ACIN1: variants seen among roughly 807,000 people sequenced by gnomAD.
ACIN1 encodes apoptotic chromatin condensation inducer in the nucleus.
Under a neutral mutation model 146.6 loss-of-function variants are expected in ACIN1, and 16 were observed. That is an observed-to-expected ratio of 0.11 (90% CI 0.07 to 0.17). The LOEUF (loss-of-function observed/expected upper bound fraction) is 0.17. Among genes scored for constraint, ACIN1 ranks in the 10% least tolerant of loss-of-function variants. The probability of loss-of-function intolerance (pLI) is 1.00; values close to 1 mark genes in which losing one functional copy is unlikely to be tolerated. For synonymous variants in ACIN1, 569 were observed against 582.7 expected (o/e 0.98, Z 0.34); for missense variants, 1,357 against 1,609.3 (o/e 0.84, Z 2.68).
chr14:23,062,942 T>C lies in ACIN1; in HGVS notation c.2870A>G (p.His957Arg), dbSNP rs1481726032. The change falls in exon 14 of 19, where the codon CAT becomes CGT. Residue 957 changes from histidine (H) to arginine (R), a missense_variant. Coordinates refer to ENST00000605057, the MANE Select transcript of ACIN1 (RefSeq NM_001386863.1). ...PPRGKISNIV[H>R]ISNLVRPFTL... is the part of the protein sequence containing the mutation. ...ACAATGACTTACCAAATTGGAGATATGGACAATGTTGCTAATCTTGCCCCG... is the reference window on the plus strand; with the variant it reads ...ACAATGACTTACCAAATTGGAGATACGGACAATGTTGCTAATCTTGCCCCG... 1.9e-6 allele frequency: 3 copies of C among 1,606,316 alleles called. No homozygotes were observed. The highest frequency in any genetic ancestry group is 2.5e-6 in the Non-Finnish European group (3 of 1,177,604).
At chr14:23,071,380 A>T in intron 8 of ACIN1, 1 of 1,540,084 alleles carries the variant, frequency 6.5e-7, no homozygotes. Flanking sequence ...TGGTGCGGGG[A>T]GGCTAAAACA....
At chr14:23,077,226 A>G (rs1242543654) in intron 8 of ACIN1, among the ~76,000 whole-genome samples, 1 of 152,264 alleles carries the variant, frequency 6.6e-6, no homozygotes, top group Non-Finnish European at 1.5e-5. Context: ...TCAGAAGAGT[A>G]TAAATTATTA....
In ACIN1 at chr14:23,089,453, T is replaced by A. The variant is rs530452134; in HGVS notation, c.436+529A>T. The stretch of plus-strand genomic sequence containing the variant: ...AGCTCCCTACTATAATATGCTCACA[T>A]AATACTCTGCGTTGCCTTGCACAGT... On this transcript the variant is annotated intron_variant, in intron 4 of 18. Transcript: ENST00000605057. Among the ~76,000 whole-genome samples, 4 of 152,344 alleles carry A rather than the reference T, an allele frequency of 2.6e-5. No individual in the cohort carries two copies. The South Asian group carries it at 8.3e-4, about 32-fold the overall frequency.
intron 4 of ACIN1, among the ~76,000 whole-genome samples, chr14:23,087,682 T>C (rs2048122201): frequency 6.6e-6 from 1 of 151,986 alleles, no homozygotes; most frequent in Non-Finnish European, 1.5e-5. Flanking sequence ...GAATTTTCAA[T>C]GGTTCCCCCA....
Position 23,078,209 on chromosome 14 carries a change from G to C in ACIN1, c.2065C>G (p.Gln689Glu). The C allele has an allele frequency of 1.2e-6, 2 of 1,614,144 alleles. No homozygotes were observed. The highest frequency in any genetic ancestry group is 1.7e-6 in the Non-Finnish European group (2 of 1,180,014). ...TGAGAGGTCTGAGTCTCTGAGGTTT[G>C]GGGCTGTGTGGCAGCTGGTGGCTCT... The part of the protein sequence containing the change: ...EAEPPAATQP[Q>E]TSETQTSHLP... Residue 689 changes from glutamine to glutamate, a missense_variant, in exon 8 of 19, where the codon CAA becomes GAA. Around this residue, in one of 4 missense-constraint regions of ACIN1, gnomAD observed 771 missense variants for 746.6 expected, o/e 1.03. Coordinates refer to ENST00000605057, the MANE Select transcript of ACIN1 (RefSeq NM_001386863.1).
At chr14:23,090,197 A>G in intron 3 of ACIN1, 96 bp from the exon 4 acceptor site, 1 of 1,477,640 alleles carries the variant, frequency 6.8e-7, no homozygotes, top group Non-Finnish European at 9.1e-7. Flanking sequence ...AAAGTCACAG[A>G]TACAGAGATA....
chr14:23,094,881 G>C lies in ACIN1; in HGVS notation c.138+94C>G. 2.7e-6 allele frequency: 4 copies of C among 1,478,018 alleles called. No individual in the cohort carries two copies. The South Asian group carries it at 5.4e-5, about 20-fold the overall frequency. 91.6% of individuals were successfully genotyped at this position (1,478,018 alleles called of 1,614,324 possible). ...TCGCGCTGGCGGCCTGAGCGAGCTC[G>C]CGCCGAGCCCGGATACTGCGCCTGC... On this transcript the variant is annotated intron_variant, in intron 1 of 18. Coordinates refer to ENST00000605057, the MANE Select transcript of ACIN1 (RefSeq NM_001386863.1).
At position 23,078,921 on chromosome 14, in the gene ACIN1, T is replaced by C. The variant is rs1432952998; in HGVS notation, c.1906A>G (p.Lys636Glu). The change falls in exon 7 of 19, where the codon AAG becomes GAG. Residue 636 changes from lysine to glutamate, a missense_variant. Physicochemically the swap from Lys to Glu is moderately conservative, Grantham distance 56 (BLOSUM62 1). Around this residue, in one of 4 missense-constraint regions of ACIN1, gnomAD observed 771 missense variants for 746.6 expected, o/e 1.03. Transcript: ENST00000605057. ...GATGAGGAGGTGGAAGTCCTCTCCT[T>C]TGGCTCACAGACCTGCAGTTGTGGC... ...PVPQLQVCEP[K>E]ERTSTSSSSV... 2 of 1,614,144 alleles carry C rather than the reference T, an allele frequency of 1.2e-6. No individual in the cohort carries two copies. Among genetic ancestry groups the C allele is most frequent in the Non-Finnish European group, 1.7e-6 (2 of 1,180,018 alleles).
chr14:23,071,314 A>AT, intron 8 of ACIN1: 1 of 1,507,512 alleles, frequency 6.6e-7, no homozygotes, highest in Non-Finnish European at 8.9e-7. Flanking sequence ...GAGAGAGAAA[A>AT]TTGAGATGTA....
At chr14:23,093,662 T>C (rs2048286830) in intron 1 of ACIN1, 118 bp from the exon 2 acceptor site, 1 of 819,688 alleles carries the variant, frequency 1.2e-6, no homozygotes, top group Non-Finnish European at 2.0e-6. Context: ...AATTAAACTG[T>C]ATTCCTTTTC....
intron 3 of ACIN1, among the ~76,000 whole-genome samples, 161 bp from the exon 4 acceptor site, chr14:23,090,262 C>T (rs991067091): frequency 3.3e-5 from 5 of 152,230 alleles, no homozygotes; most frequent in African/African-American, 1.2e-4. Flanking sequence ...TTCAGCTCTA[C>T]TTCATCTAAA....
At chr14:23,081,980 A>G (rs543043849) in intron 4 of ACIN1, 144 bp from the exon 5 acceptor site, 2 of 596,102 alleles carry the variant, frequency 3.4e-6, no homozygotes, top group Non-Finnish European at 2.8e-6. Flanking sequence ...TGACTTCTAC[A>G]CTAAAGAAAA....
At chr14:23,091,497 G>A (rs552172825) in intron 2 of ACIN1, among the ~76,000 whole-genome samples, 1 of 151,524 alleles carries the variant, frequency 6.6e-6, no homozygotes, top group African/African-American at 2.4e-5. Context: ...CTCAGGAGGT[G>A]GTGGGTGCAG....
chr14:23,075,990 C>T (rs907895127), intron 8 of ACIN1, among the ~76,000 whole-genome samples: 2 of 152,062 alleles, frequency 1.3e-5, no homozygotes, highest in African/African-American at 4.8e-5. Flanking sequence ...CATGAGTCAC[C>T]ACGCCTGGCC....
chr14:23,093,342 G>A (rs1333802411), intron 2 of ACIN1, 137 bp downstream of exon 2: 6 of 858,314 alleles, frequency 7.0e-6, no homozygotes, highest in Non-Finnish European at 1.1e-5. Flanking sequence ...CAACTGTCCT[G>A]GTTTGAGAAC....
intron 10 of ACIN1, among the ~76,000 whole-genome samples, chr14:23,065,589 CA>C (rs139957595): frequency 6.6e-6 from 1 of 152,132 alleles, no homozygotes; most frequent in East Asian, 1.9e-4. Context: ...GACTCCGTCT[CA>C]AAAAAACAAC....
Position 23,062,892 on chromosome 14 carries a change from A to G in ACIN1, c.2883+37T>C, listed in dbSNP as rs766003671. 2.5e-6 allele frequency: 4 copies of G among 1,575,696 alleles called. No homozygotes were observed. The East Asian group carries it at 9.0e-5, about 35-fold the overall frequency. On this transcript the variant is annotated intron_variant, in intron 14 of 18. Transcript: ENST00000605057. ...ATAAGCCTAAAGCTCAAACTTAACCACTAAGCAAGCTGGGATGGTGAGAAA... is the reference window on the plus strand; with the variant it reads ...ATAAGCCTAAAGCTCAAACTTAACCGCTAAGCAAGCTGGGATGGTGAGAAA...
chr14:23,073,097 G>A (rs940510382), intron 8 of ACIN1, among the ~76,000 whole-genome samples: 3 of 152,230 alleles, frequency 2.0e-5, no homozygotes, highest in African/African-American at 7.2e-5. Flanking sequence ...GGGGCTCTGA[G>A]TTTCCTCAAA....
intron 9 of ACIN1, chr14:23,069,194 A>C: frequency 1.8e-6 from 2 of 1,128,850 alleles, no homozygotes; most frequent in Non-Finnish European, 2.2e-6. Flanking sequence ...CATAAATCTT[A>C]GATAAAGGGC....
Sources: gnomAD v4.1 joint callset for allele counts (sites outside exome capture counted in the v4.1 genomes callset) on GRCh38, gnomAD v4.1.1 for gene constraint, gnomAD v4.1.1 regional missense constraint, MANE v1.5 for transcripts, NCBI Gene and HGNC (gene_info 2026-07-23, HGNC 2026-07-21) for gene names.